Variants in CD101 observed in about 807,000 individuals in gnomAD.
The protein encoded by CD101 is CD101 molecule.
Under a neutral mutation model 98.2 loss-of-function variants are expected in CD101, and 76 were observed. That is an observed-to-expected ratio of 0.77 (90% CI 0.64 to 0.94). The LOEUF (loss-of-function observed/expected upper bound fraction) is 0.94, where lower values mean the gene tolerates loss of function less well. Ranked by LOEUF, CD101 falls within the 40% of genes least tolerant of loss-of-function variation. The pLI, the probability that CD101 is intolerant of heterozygous loss-of-function variation, is 0.00. For synonymous variants in CD101, 471 were observed against 472.7 expected (o/e 1.00, Z 0.05); for missense variants, 1,145 against 1,218.8 (o/e 0.94, Z 0.90).
intron 4 of CD101, 71 bp downstream of exon 4, chr1:117,013,863 C>A: frequency 7.1e-7 from 1 of 1,415,016 alleles, no homozygotes; most frequent in Admixed American, 2.4e-5. Context: ...AAGACCCCTT[C>A]GTGGATACAA....
At position 117,021,176 on chromosome 1, in the gene CD101, A is replaced by G. The variant is rs138031727; in HGVS notation, c.2018-397A>G. ...GGGCCACTTTCTCCCAATCTGATACATGAAATATGACAGAAGAGATGCTTG... is the reference window on the plus strand; with the variant it reads ...GGGCCACTTTCTCCCAATCTGATACGTGAAATATGACAGAAGAGATGCTTG... On this transcript the variant is annotated intron_variant, in intron 6 of 9. Coordinates refer to ENST00000682167, the MANE Select transcript of CD101 (RefSeq NM_001256106.3). This position sits in a 1 kb window ranked among gnomAD's most constrained non-coding sequence, Gnocchi z 4.7. Among the ~76,000 whole-genome samples, 1 of 152,262 alleles carries G rather than the reference A, an allele frequency of 6.6e-6. No homozygotes were observed.
At chr1:117,013,309 C>T (rs987093011) in intron 3 of CD101, 97 bp from the exon 4 acceptor site, 3 of 1,367,196 alleles carry the variant, frequency 2.2e-6, no homozygotes, top group African/African-American at 2.9e-5. Flanking sequence ...AAAATGTGAT[C>T]CCTGTGACAT....
chr1:117,012,470 A>G lies in CD101; in HGVS notation c.841+504A>G, dbSNP rs1652947357. 6.6e-6 allele frequency among the ~76,000 whole-genome samples: 1 copy of G among 152,246 alleles called. No homozygotes were observed. Among genetic ancestry groups the G allele is most frequent in the African/African-American group, 2.4e-5 (1 of 41,466 alleles). ...GACAGCTGGGCCTCAAAGTAGCTCC[A>G]GTTTCCAACATGAAGCCTTGTCTTC... On this transcript the variant is annotated intron_variant, in intron 3 of 9. Coordinates refer to ENST00000682167, the MANE Select transcript of CD101 (RefSeq NM_001256106.3). This position sits in a 1 kb window ranked among gnomAD's most constrained non-coding sequence, Gnocchi z 4.0.
At chr1:117,014,684 T>C (rs539056791) in intron 4 of CD101, among the ~76,000 whole-genome samples, 1 of 152,376 alleles carries the variant, frequency 6.6e-6, no homozygotes, top group South Asian at 2.1e-4. Context: ...AAAAAATTTT[T>C]TTTAATGTTT....
rs201704465 is a variant in CD101 at position 117,011,543 on chromosome 1, T to A, written c.425-7T>A. ...CAGTCACATTATTATCATTCCTTTG[T>A]TTCCAGTTATTCCAGATACCCTCTC... On this transcript the variant is annotated splice_polypyrimidine_tract_variant and splice_region_variant and intron_variant, in intron 2 of 9. Coordinates refer to ENST00000682167, the MANE Select transcript of CD101 (RefSeq NM_001256106.3). 4 of 1,608,776 alleles carry A rather than the reference T, an allele frequency of 2.5e-6. No individual in the cohort carries two copies.
chr1:117,026,171 G>A (rs1361333364), intron 8 of CD101: 1 of 357,496 alleles, frequency 2.8e-6, no homozygotes, highest in Admixed American at 4.3e-5. Flanking sequence ...GGTTCAGGGA[G>A]AAGGTGGGAG....
At chr1:117,029,233 G>GAAAGAA (rs1246836026) in intron 8 of CD101, among the ~76,000 whole-genome samples, 1 of 109,460 alleles carries the variant, frequency 9.1e-6, no homozygotes, top group Non-Finnish European at 1.9e-5. Flanking sequence ...AAGAAAGAAA[G>GAAAGAA]AAAGAAAGAA....
intron 8 of CD101, among the ~76,000 whole-genome samples, chr1:117,030,286 A>G (rs950554603): frequency 6.6e-6 from 1 of 152,034 alleles, no homozygotes. Flanking sequence ...AAAGGCTGAG[A>G]TGGGAGGATT....
rs1458792030 is a variant in CD101 at position 117,025,858 on chromosome 1, A to G, written c.2778A>G (p.Gln926=). The G allele has an allele frequency of 1.2e-6, 2 of 1,614,030 alleles. No individual in the cohort carries two copies. The highest frequency in any genetic ancestry group is 1.7e-4 in the Middle Eastern group (1 of 6,058). The change falls in exon 8 of 10, where the codon CAA becomes CAG. Residue 926 remains glutamine (Q), a synonymous_variant. Transcript: ENST00000682167. ...LHGHPSKWIN[Q]ASDESQRMVL... ...GACACCCAAGCAAGTGGATTAATCAAGCATCCGATGAGTCACAGCGGATGG... is the reference window on the plus strand; with the variant it reads ...GACACCCAAGCAAGTGGATTAATCAGGCATCCGATGAGTCACAGCGGATGG...
rs1385351825 is a variant in CD101 at position 117,012,856 on chromosome 1, A to G, written c.842-550A>G. ...ATGCATTGCTAAAAGCAATGATCCA[A>G]TAGTGGATCATTAAAGTTTTTTCTT... On this transcript the variant is annotated intron_variant, in intron 3 of 9. Coordinates refer to ENST00000682167, the MANE Select transcript of CD101 (RefSeq NM_001256106.3). This position sits in a 1 kb window ranked among gnomAD's most constrained non-coding sequence, Gnocchi z 4.0. Among the ~76,000 whole-genome samples, 1 of 152,174 alleles carries G rather than the reference A, an allele frequency of 6.6e-6. No individual in the cohort carries two copies.
At chr1:117,007,834 T>G (rs1242847342) in intron 1 of CD101, among the ~76,000 whole-genome samples, 3 of 152,248 alleles carry the variant, frequency 2.0e-5, no homozygotes, top group Non-Finnish European at 4.4e-5. Flanking sequence ...ATAGTTGTAA[T>G]TGTTGATTTT....
Position 117,017,329 on chromosome 1 carries a change from G to A in CD101, c.1468G>A (p.Asp490Asn), listed in dbSNP as rs778291701. ...YHGNTRLEKM[D>N]WATFQLEITF... is the part of the protein sequence containing the mutation. Reference sequence around the variant, plus strand: ...TGGCAACACAAGGCTGGAGAAAATGGACTGGGCCACCTTCCAGCTGGAGAT... The same window carrying A: ...TGGCAACACAAGGCTGGAGAAAATGAACTGGGCCACCTTCCAGCTGGAGAT... The change falls in exon 5 of 10, where the codon GAC (aspartate) becomes AAC (asparagine). Residue 490 changes from aspartate (D) to asparagine (N), a missense_variant. Transcript: ENST00000682167. 11 of 1,614,118 alleles carry A rather than the reference G, an allele frequency of 6.8e-6. No individual in the cohort carries two copies. The African/African-American group carries it at 1.3e-4, about 20-fold the overall frequency.
intron 1 of CD101, among the ~76,000 whole-genome samples, chr1:117,008,426 C>A: frequency 6.6e-6 from 1 of 151,498 alleles, no homozygotes; most frequent in Non-Finnish European, 1.5e-5. Flanking sequence ...GATTGCACCA[C>A]AACACTCCAG....
rs1261807197 is a variant in CD101 at position 117,004,812 on chromosome 1, A to G, written c.43+2952A>G. On this transcript the variant is annotated intron_variant, in intron 1 of 9. Transcript: ENST00000682167. The surrounding 1 kb of genome is among the most constrained non-coding windows in gnomAD (Gnocchi z 4.1). ...ACACTATTTCTTTCACTTTTCTCAGAAAGTAGTATGTCTTAGACTGTTTGG... is the reference window on the plus strand; with the variant it reads ...ACACTATTTCTTTCACTTTTCTCAGGAAGTAGTATGTCTTAGACTGTTTGG... Among the ~76,000 whole-genome samples, 2 of 151,828 alleles carry G rather than the reference A, an allele frequency of 1.3e-5. No homozygotes were observed. Among genetic ancestry groups the G allele is most frequent in the Non-Finnish European group, 2.9e-5 (2 of 67,952 alleles).
At chr1:117,014,514 G>A (rs12407870) in intron 4 of CD101, among the ~76,000 whole-genome samples, 2,885 of 152,234 alleles carry the variant, frequency 0.019, 47 homozygotes, top group Non-Finnish European at 0.032. Context: ...CGGAACTGAG[G>A]AAGCCACTCA....
Position 117,011,771 on chromosome 1 carries a change from C to A in CD101, c.646C>A (p.Arg216=). The A allele has an allele frequency of 6.2e-7, 1 of 1,614,124 alleles. No individual in the cohort carries two copies. Among genetic ancestry groups the A allele is most frequent in the South Asian group, 1.1e-5 (1 of 91,076 alleles). The part of the protein sequence containing the change: ...ILVPGPLYTE[R]FAASDVQLNK... ...GGTCCCTGGGCCCTTGTATACAGAG[C>A]GGTTTGCAGCCAGTGACGTACAGCT... is the stretch of plus-strand genomic sequence containing the variant. Residue 216 remains arginine (R), a synonymous_variant, in exon 3 of 10, where the codon CGG becomes AGG. Transcript: ENST00000682167.
Position 117,018,445 on chromosome 1 carries a change from G to A in CD101, c.1902G>A (p.Glu634=). ...TAGTCCATGATGCCACTGAGGAAGA[G>A]ACAGGAGTGTATCAGTGTGAAGTAG... is the stretch of plus-strand genomic sequence containing the variant. ...QLLVHDATEE[E]TGVYQCEVEV... The change falls in exon 6 of 10, where the codon GAG becomes GAA. Residue 634 remains glutamate, a synonymous_variant. Coordinates refer to ENST00000682167, the MANE Select transcript of CD101 (RefSeq NM_001256106.3). The surrounding 1 kb of genome is among the most constrained non-coding windows in gnomAD (Gnocchi z 4.3). 1 of 1,614,230 alleles carries A rather than the reference G, an allele frequency of 6.2e-7. No homozygotes were observed. The highest frequency in any genetic ancestry group is 8.5e-7 in the Non-Finnish European group (1 of 1,180,050).
Position 117,012,730 on chromosome 1 carries a change from T to A in CD101, c.842-676T>A, listed in dbSNP as rs1165850175. Among the ~76,000 whole-genome samples the A allele has an allele frequency of 6.6e-6, 1 of 152,230 alleles. No individual in the cohort carries two copies. Among genetic ancestry groups the A allele is most frequent in the Non-Finnish European group, 1.5e-5 (1 of 68,046 alleles). ...GCCTGCTGTTACTTTTCATAATCTTTTGGCATTTTTGTCAAAGCAAGTATA... is the reference window on the plus strand; with the variant it reads ...GCCTGCTGTTACTTTTCATAATCTTATGGCATTTTTGTCAAAGCAAGTATA... On this transcript the variant is annotated intron_variant, in intron 3 of 9. Coordinates refer to ENST00000682167, the MANE Select transcript of CD101 (RefSeq NM_001256106.3). This position sits in a 1 kb window ranked among gnomAD's most constrained non-coding sequence, Gnocchi z 4.0.
At chr1:117,034,316 C>T (rs1654665608) in intron 9 of CD101, 182 bp downstream of exon 9, 1 of 586,334 alleles carries the variant, frequency 1.7e-6, no homozygotes. Context: ...CGCATCCCCC[C>T]TTGGAACAAG....
Sources: allele counts gnomAD v4.1 joint callset (sites outside exome capture counted in the v4.1 genomes callset), GRCh38; gene constraint gnomAD v4.1.1; non-coding constraint Gnocchi (gnomAD v3.1); transcripts MANE v1.5; gene names NCBI Gene and HGNC (gene_info 2026-07-23, HGNC 2026-07-21).